The following FBXL20 variants were observed in gnomAD, a reference collection of about 807,000 sequenced individuals.
FBXL20 encodes F-box/LRR-repeat protein 20.
A neutral mutation model predicts 64.0 loss-of-function variants in FBXL20; 11 were observed. That is an observed-to-expected ratio of 0.17 (90% CI 0.11 to 0.28). The LOEUF is 0.28. Ranked by LOEUF, FBXL20 falls within the 10% of genes least tolerant of loss-of-function variation. The pLI, the probability that FBXL20 is intolerant of heterozygous loss-of-function variation, is 1.00. For synonymous variants in FBXL20, 184 were observed against 189.0 expected, an observed-to-expected ratio of 0.97 and a Z score of 0.22; for missense variants, 303 against 526.2, an observed-to-expected ratio of 0.58 and a Z score of 4.15.
At chr17:39,317,212 A>C (rs894384098) in intron 2 of FBXL20, among the ~76,000 whole-genome samples, 1 of 152,144 alleles carries the variant, frequency 6.6e-6, no homozygotes, top group Non-Finnish European at 1.5e-5. Flanking sequence ...AGAACTTATT[A>C]AAAAAGACAA....
chr17:39,300,190 CA>C (rs934265312), intron 4 of FBXL20, among the ~76,000 whole-genome samples: 1 of 152,170 alleles, frequency 6.6e-6, no homozygotes, highest in Non-Finnish European at 1.5e-5. Context: ...TTGTGAAAAA[CA>C]AAATCCCATA....
At position 39,341,078 on chromosome 17, in the gene FBXL20, A is replaced by G. The variant is rs2144566919; in HGVS notation, c.104+2102T>C. On this transcript the variant is annotated intron_variant, in intron 2 of 14. Coordinates refer to ENST00000264658, the MANE Select transcript of FBXL20 (RefSeq NM_032875.3). ...TCAAAATTTCAAGCAACTACTTTAC[A>G]TACATAAACCAATGTTTTGTATAGT... Among the ~76,000 whole-genome samples the G allele has an allele frequency of 1.3e-5, 2 of 151,910 alleles. 1 individual carries two copies. The highest frequency in any genetic ancestry group is 4.2e-4 in the South Asian group (2 of 4,810).
chr17:39,389,104 C>CAAA (rs752930971), intron 1 of FBXL20, among the ~76,000 whole-genome samples: 6,194 of 52,466 alleles, frequency 0.12, 384 homozygotes, highest in Non-Finnish European at 0.16. Context: ...AACTCCATCT[C>CAAA]AAAAAAAAAA....
intron 7 of FBXL20, among the ~76,000 whole-genome samples, chr17:39,284,918 A>G (rs575325461): frequency 4.9e-5 from 7 of 142,980 alleles, no homozygotes; most frequent in Non-Finnish European, 7.5e-5. Flanking sequence ...GCACTAAGCT[A>G]TAACACGTGC....
intron 2 of FBXL20, among the ~76,000 whole-genome samples, chr17:39,337,510 T>G (rs2144556879): frequency 6.6e-6 from 1 of 151,618 alleles, no homozygotes; most frequent in South Asian, 2.1e-4. Flanking sequence ...GGAGCGTCTC[T>G]GCCCGGCCGC....
intron 1 of FBXL20, among the ~76,000 whole-genome samples, chr17:39,357,835 T>C (rs933397314): frequency 6.6e-6 from 1 of 152,254 alleles, no homozygotes; most frequent in African/African-American, 2.4e-5. Flanking sequence ...TAGCGTTTCA[T>C]TTCAGCTTGA....
rs372418732 is a variant in FBXL20 at position 39,298,953 on chromosome 17, T to A, written c.329+37A>T. 23 of 1,538,648 alleles carry A rather than the reference T, an allele frequency of 1.5e-5. No individual in the cohort carries two copies. The African/African-American group carries it at 3.1e-4, about 21-fold the overall frequency. On this transcript the variant is annotated intron_variant, in intron 5 of 14. Transcript: ENST00000264658. ...TGGGTGAGATGGTGCTGCTCTTCAC[T>A]TCCATCAAGAAGATTAATCAATAGT...
intron 6 of FBXL20, among the ~76,000 whole-genome samples, chr17:39,291,431 C>CTTTTTTT (rs907454529): frequency 1.8e-5 from 2 of 110,484 alleles, no homozygotes; most frequent in African/African-American, 7.7e-5. Context: ...TAAAACTTTT[C>CTTTTTTT]TTTTTTTTTT....
intron 1 of FBXL20, among the ~76,000 whole-genome samples, chr17:39,385,190 C>T (rs761129681): frequency 6.6e-6 from 1 of 152,076 alleles, no homozygotes. Flanking sequence ...CCACCGCACT[C>T]CAGACTGGGC....
At chr17:39,337,590 C>T (rs1381424995) in intron 2 of FBXL20, among the ~76,000 whole-genome samples, 5 of 149,814 alleles carry the variant, frequency 3.3e-5, no homozygotes, top group African/African-American at 9.8e-5. Context: ...CGCCTCTGCC[C>T]GGCCGCGACC....
In FBXL20 at chr17:39,324,060, T is replaced by C. The variant is rs188740353; in HGVS notation, c.104+19120A>G. Among the ~76,000 whole-genome samples, 122 of 119,776 alleles carry C rather than the reference T, an allele frequency of 1.0e-3. 6 individuals carry two copies. Among genetic ancestry groups the C allele is most frequent in the African/African-American group, 3.9e-3 (113 of 28,634 alleles). 78.6% of individuals were successfully genotyped at this position (119,776 alleles called of 152,430 possible). On this transcript the variant is annotated intron_variant, in intron 2 of 14. Coordinates refer to ENST00000264658, the MANE Select transcript of FBXL20 (RefSeq NM_032875.3). ...TCCCAAAGTGCTGGGATTAAAGGCG[T>C]GAGCCACCGTGCCTGGCCTATACTT...
At chr17:39,291,600 ATTTTTCGAATT>A (rs2047040382) in intron 6 of FBXL20, among the ~76,000 whole-genome samples, 1 of 151,302 alleles carries the variant, frequency 6.6e-6, no homozygotes, top group Admixed American at 6.6e-5. Flanking sequence ...CGCCAGGCTA[ATTTTTCGAATT>A]TTTAGTAGAG....
intron 1 of FBXL20, among the ~76,000 whole-genome samples, chr17:39,369,745 C>T (rs936864958): frequency 6.6e-6 from 1 of 152,268 alleles, no homozygotes; most frequent in East Asian, 1.9e-4. Context: ...AAGCAATCCT[C>T]GCACCTCAGC....
At chr17:39,361,906 T>C (rs2047798670) in intron 1 of FBXL20, among the ~76,000 whole-genome samples, 1 of 151,248 alleles carries the variant, frequency 6.6e-6, no homozygotes, top group Non-Finnish European at 1.5e-5. Context: ...AAGACCAGCC[T>C]GGGCAAGATA....
intron 10 of FBXL20, among the ~76,000 whole-genome samples, chr17:39,271,206 G>A (rs1250148551): frequency 6.6e-6 from 1 of 152,148 alleles, no homozygotes; most frequent in Non-Finnish European, 1.5e-5. Flanking sequence ...GAAAACAAAG[G>A]AAACGGAGAT....
chr17:39,275,716 A>T (rs1426768473), intron 9 of FBXL20, among the ~76,000 whole-genome samples: 1 of 151,976 alleles, frequency 6.6e-6, no homozygotes, highest in East Asian at 1.9e-4. Context: ...GGCCTCAATT[A>T]AATATTAAAA....
chr17:39,331,765 A>G (rs2047463708), intron 2 of FBXL20, among the ~76,000 whole-genome samples: 1 of 152,242 alleles, frequency 6.6e-6, no homozygotes, highest in Admixed American at 6.5e-5. Flanking sequence ...TTGTCATCCC[A>G]CATAGAGAAA....
chr17:39,399,257 T>C (rs1332988942), intron 1 of FBXL20, among the ~76,000 whole-genome samples: 1 of 152,224 alleles, frequency 6.6e-6, no homozygotes, highest in Non-Finnish European at 1.5e-5. Context: ...TTATCAGTTC[T>C]TTAAGAAGCA....
chr17:39,262,090 C>T (rs531305406), intron 14 of FBXL20, among the ~76,000 whole-genome samples: 10 of 151,982 alleles, frequency 6.6e-5, no homozygotes, highest in African/African-American at 2.4e-4. Context: ...ACGTAAGAGG[C>T]TCTGGTTGAC....
Sources: gnomAD v4.1 joint callset for allele counts (sites outside exome capture counted in the v4.1 genomes callset) on GRCh38, gnomAD v4.1.1 for gene constraint, MANE v1.5 for transcripts, NCBI Gene and HGNC (gene_info 2026-07-23, HGNC 2026-07-21) for gene names.